The following DMD variants were observed in gnomAD, a reference collection of about 807,000 sequenced individuals.
DMD encodes mutant dystrophin.
In DMD, 63 loss-of-function variants were observed where a neutral mutation model predicts 330.1. The observed-to-expected ratio is 0.19, with a 90% CI of 0.16 to 0.24. The LOEUF (loss-of-function observed/expected upper bound fraction) is 0.24. Ranked by LOEUF, DMD falls within the 10% of genes least tolerant of loss-of-function variation. The pLI, the probability that DMD is intolerant of heterozygous loss-of-function variation, is 1.00. For missense variants in DMD, 3,344 were observed against 2,684.1 expected, an observed-to-expected ratio of 1.25 and a Z score of -5.43; for synonymous variants, 1,223 against 959.8, an observed-to-expected ratio of 1.27 and a Z score of -5.07.
intron 1 of DMD, among the ~76,000 whole-genome samples, chrX:33,052,069 T>C (rs1402365759): frequency 8.9e-6 from 1 of 111,889 alleles, no homozygotes; most frequent in Non-Finnish European, 1.9e-5. Flanking sequence ...AATTTCACCT[T>C]ATTTGAATGC....
rs188899436 is a variant in DMD, at chrX:32,125,531, A to C, written c.6438+91385T>G. ...CAATTAGGCAGGGGGGTATGTATATAAGACTAGCATTCAAATGAGAGTTTC... is the reference window on the plus strand; with the variant it reads ...CAATTAGGCAGGGGGGTATGTATATCAGACTAGCATTCAAATGAGAGTTTC... On this transcript the variant is annotated intron_variant, in intron 44 of 78. Transcript: ENST00000357033. Among the ~76,000 whole-genome samples the C allele has an allele frequency of 2.4e-3, 269 of 111,817 alleles. 1 individual carries two copies. Among genetic ancestry groups the C allele is most frequent in the African/African-American group, 8.5e-3 (263 of 30,781 alleles).
At chrX:31,653,015 G>T in intron 54 of DMD, among the ~76,000 whole-genome samples, 1 of 111,679 alleles carries the variant, frequency 9.0e-6, no homozygotes, top group East Asian at 2.8e-4. Context: ...CCAAAAAAAG[G>T]AAAGTAGAAT....
chrX:33,010,260 A>AT (rs2093670162), intron 2 of DMD, among the ~76,000 whole-genome samples: 6 of 89,281 alleles, frequency 6.7e-5, no homozygotes, highest in Non-Finnish European at 2.4e-5. Flanking sequence ...ATATATGTAC[A>AT]AATATGTGTG....
At chrX:32,539,794 T>C (rs1303986718) in intron 17 of DMD, among the ~76,000 whole-genome samples, 1 of 111,639 alleles carries the variant, frequency 9.0e-6, no homozygotes. Context: ...AACTGAAAAG[T>C]AGAATATATA....
chrX:33,011,265 G>C (rs1244941210), intron 2 of DMD, among the ~76,000 whole-genome samples: 1 of 111,131 alleles, frequency 9.0e-6, no homozygotes, highest in Non-Finnish European at 1.9e-5. Flanking sequence ...GGCTCAACCA[G>C]CCCCACAACA....
intron 7 of DMD, among the ~76,000 whole-genome samples, chrX:32,704,853 G>T (rs1417524803): frequency 8.9e-6 from 1 of 112,157 alleles, no homozygotes; most frequent in Non-Finnish European, 1.9e-5. Context: ...AAAACCTATG[G>T]TTGTAAACAA....
chrX:32,433,571 G>A (rs2098247307), intron 29 of DMD, among the ~76,000 whole-genome samples: 1 of 111,214 alleles, frequency 9.0e-6, no homozygotes, highest in Admixed American at 9.5e-5. Context: ...CCAGCTACTC[G>A]GGAGGCTGAG....
At chrX:32,532,639 G>A (rs2047588908) in intron 17 of DMD, among the ~76,000 whole-genome samples, 1 of 112,420 alleles carries the variant, frequency 8.9e-6, no homozygotes, top group Non-Finnish European at 1.9e-5. Context: ...CTTGGTAGAA[G>A]CCATATACAT....
chrX:32,454,705 T>A lies in DMD; in HGVS notation c.3560A>T (p.Tyr1187Phe), dbSNP rs760481477. The A allele has an allele frequency of 8.3e-7, 1 of 1,201,613 alleles. No individual in the cohort carries two copies. Among genetic ancestry groups the A allele is most frequent in the East Asian group, 3.0e-5 (1 of 33,614 alleles). The change falls in exon 26 of 79, where the codon TAT becomes TTT. Residue 1187 changes from tyrosine to phenylalanine, a missense_variant. Tyr to Phe is a conservative substitution (Grantham distance 22). Coordinates refer to ENST00000357033, the MANE Select transcript of DMD (RefSeq NM_004006.3). ...EEEYLERDFE[Y>F]KTPDELQKAV... Reference sequence around the variant, plus strand: ...TTTCTGTAATTCATCTGGAGTTTTATATTCAAAATCTCTCTCAAGATACTC... The same window carrying A: ...TTTCTGTAATTCATCTGGAGTTTTAAATTCAAAATCTCTCTCAAGATACTC...
intron 19 of DMD, among the ~76,000 whole-genome samples, chrX:32,501,487 T>C (rs1282473455): frequency 8.9e-6 from 1 of 111,932 alleles, no homozygotes; most frequent in Non-Finnish European, 1.9e-5. Context: ...TTGGATAAAT[T>C]CTAGCAGATT....
At chrX:32,323,348 C>G (rs1459506862) in intron 41 of DMD, among the ~76,000 whole-genome samples, 1 of 110,513 alleles carries the variant, frequency 9.0e-6, no homozygotes, top group East Asian at 2.8e-4. Flanking sequence ...ATAAAGATTT[C>G]AAAACAATGA....
chrX:33,240,797 T>A (rs2052574818), intron 1 of DMD, among the ~76,000 whole-genome samples: 1 of 112,211 alleles, frequency 8.9e-6, no homozygotes, highest in African/African-American at 3.2e-5. Flanking sequence ...TATTTACATT[T>A]ACCTGATGTT....
chrX:31,873,412 A>C (rs914735406), intron 48 of DMD, among the ~76,000 whole-genome samples: 2 of 111,789 alleles, frequency 1.8e-5, no homozygotes, highest in Non-Finnish European at 3.8e-5. Context: ...TCTTCCCGAA[A>C]CTTTTACTTC....
intron 43 of DMD, among the ~76,000 whole-genome samples, chrX:32,282,622 T>TGCC (rs1278737215): frequency 1.8e-5 from 2 of 112,086 alleles, no homozygotes; most frequent in African/African-American, 6.5e-5. Context: ...TGGAAGCAGG[T>TGCC]ATGTTAGATA....
At chrX:32,054,870 AAGGGG>A (rs1198811161) in intron 44 of DMD, among the ~76,000 whole-genome samples, 15 of 52,533 alleles carry the variant, frequency 2.9e-4, no homozygotes, top group South Asian at 2.0e-3. Context: ...GAGGGAAGGG[AAGGGG>A]AGGGGAGGGG....
Position 32,277,006 on chromosome X carries a change from A to G in DMD, c.6290+10523T>C, listed in dbSNP as rs183970846. Among the ~76,000 whole-genome samples, 6 of 111,767 alleles carry G rather than the reference A, an allele frequency of 5.4e-5. No individual in the cohort carries two copies. In the East Asian group the frequency reaches 1.7e-3, roughly 32 times the overall value. ...ATAGATACAGTGTCTGAATGGATGA[A>G]AAAATAAGACCCAATTTTGTGTTGA... On this transcript the variant is annotated intron_variant, in intron 43 of 78. Coordinates refer to ENST00000357033, the MANE Select transcript of DMD (RefSeq NM_004006.3).
At chrX:31,569,656 ATACG>A (rs2075696927) in intron 55 of DMD, among the ~76,000 whole-genome samples, 1 of 101,795 alleles carries the variant, frequency 9.8e-6, no homozygotes, top group African/African-American at 3.6e-5. Flanking sequence ...ATACGTATAT[ATACG>A]TATATATACG....
At chrX:32,733,093 A>G (rs746172273) in intron 7 of DMD, among the ~76,000 whole-genome samples, 1 of 107,849 alleles carries the variant, frequency 9.3e-6, no homozygotes, top group Non-Finnish European at 1.9e-5. Flanking sequence ...GGAAAACAAA[A>G]AAAGGCAGGG....
intron 9 of DMD, among the ~76,000 whole-genome samples, chrX:32,654,988 G>C (rs1032392830): frequency 9.0e-6 from 1 of 111,346 alleles, no homozygotes; most frequent in Non-Finnish European, 1.9e-5. Flanking sequence ...TGGGATCGGT[G>C]GTGATATCCC....
Sources: gnomAD v4.1 joint callset for allele counts (sites outside exome capture counted in the v4.1 genomes callset) on GRCh38, gnomAD v4.1.1 for gene constraint, MANE v1.5 for transcripts, NCBI Gene and HGNC (gene_info 2026-07-23, HGNC 2026-07-21) for gene names.